The following PID1 variants were observed in gnomAD, a reference collection of about 807,000 sequenced individuals.
The protein encoded by PID1 is phosphotyrosine interaction domain containing 1.
Under a neutral mutation model 19.1 loss-of-function variants are expected in PID1, and 10 were observed. That is an observed-to-expected ratio of 0.52 (90% CI 0.32 to 0.89). The LOEUF (loss-of-function observed/expected upper bound fraction) is 0.89. PID1 is among the 40% of genes least tolerant of loss of function. The pLI is 0.03. For synonymous variants in PID1, 130 were observed against 116.0 expected (o/e 1.12, Z -0.78); for missense variants, 248 against 285.3 (o/e 0.87, Z 0.94).
intron 2 of PID1, among the ~76,000 whole-genome samples, chr2:229,070,920 T>C (rs1443073168): frequency 6.6e-6 from 1 of 152,210 alleles, no homozygotes; most frequent in Non-Finnish European, 1.5e-5. Context: ...AAATTCTTCA[T>C]TACCGGTATC....
intron 1 of PID1, among the ~76,000 whole-genome samples, chr2:229,269,713 G>C (rs914077122): frequency 6.6e-6 from 1 of 152,182 alleles, no homozygotes; most frequent in Non-Finnish European, 1.5e-5. Flanking sequence ...AGAGCCCAGT[G>C]CTGATATTCT....
intron 1 of PID1, among the ~76,000 whole-genome samples, chr2:229,199,491 A>T (rs1172682652): frequency 1.3e-5 from 2 of 151,940 alleles, no homozygotes; most frequent in African/African-American, 4.8e-5. Flanking sequence ...GCCAACTTTT[A>T]ATAAATGTGC....
At position 229,198,470 on chromosome 2, in the gene PID1, A is replaced by G. The variant is rs1379411838; in HGVS notation, c.31-42506T>C. Among the ~76,000 whole-genome samples the G allele has an allele frequency of 7.2e-5, 11 of 152,172 alleles. No homozygotes were observed. The East Asian group carries it at 1.9e-3, about 27-fold the overall frequency. On this transcript the variant is annotated intron_variant, in intron 1 of 2. Coordinates refer to ENST00000392055, the MANE Select transcript of PID1 (RefSeq NM_001100818.2). ...AAACACATATGCCTAGATGAGACCTATCCTCTGTGATCCAGGTTCCTGTAT... is the reference window on the plus strand; with the variant it reads ...AAACACATATGCCTAGATGAGACCTGTCCTCTGTGATCCAGGTTCCTGTAT...
intron 2 of PID1, among the ~76,000 whole-genome samples, chr2:229,146,834 T>C (rs1053086125): frequency 6.6e-6 from 1 of 152,130 alleles, no homozygotes; most frequent in Non-Finnish European, 1.5e-5. Context: ...GTGACCACCA[T>C]GCAGAGATTG....
chr2:229,139,105 A>AAGAGAG (rs1283828201), intron 2 of PID1, among the ~76,000 whole-genome samples: 1 of 68,048 alleles, frequency 1.5e-5, no homozygotes, highest in African/African-American at 7.1e-5. Context: ...GAAAGAAAGA[A>AAGAGAG]AGAAAGAAAG....
intron 1 of PID1, among the ~76,000 whole-genome samples, chr2:229,240,232 C>T (rs1333480066): frequency 1.3e-5 from 2 of 151,910 alleles, no homozygotes; most frequent in African/African-American, 4.8e-5. Flanking sequence ...ATTCCATTCC[C>T]GAAGCTTAGT....
chr2:229,233,255 A>C (rs904162879), intron 1 of PID1, among the ~76,000 whole-genome samples: 1 of 152,118 alleles, frequency 6.6e-6, no homozygotes, highest in Non-Finnish European at 1.5e-5. Flanking sequence ...TCAAAGCTGG[A>C]GAGGTTTTAG....
intron 1 of PID1, among the ~76,000 whole-genome samples, chr2:229,235,001 A>G (rs1039305981): frequency 2.6e-5 from 4 of 152,194 alleles, no homozygotes; most frequent in Non-Finnish European, 5.9e-5. Context: ...GAGTACTGAA[A>G]TAACAGTTGT....
chr2:229,237,616 G>A (rs1159203681), intron 1 of PID1, among the ~76,000 whole-genome samples: 3 of 152,160 alleles, frequency 2.0e-5, no homozygotes, highest in African/African-American at 4.8e-5. Context: ...GGTAGAGAAG[G>A]AGATGAAGGA....
intron 1 of PID1, among the ~76,000 whole-genome samples, chr2:229,173,595 A>G (rs1690753962): frequency 6.6e-6 from 1 of 152,186 alleles, no homozygotes; most frequent in African/African-American, 2.4e-5. Context: ...TCCTGCCTTC[A>G]TGGAGCTGAA....
At chr2:229,077,124 G>A (rs979600790) in intron 2 of PID1, among the ~76,000 whole-genome samples, 5 of 152,168 alleles carry the variant, frequency 3.3e-5, no homozygotes, top group Non-Finnish European at 7.4e-5. Context: ...TGGTTTTGAT[G>A]TGCATGTCTC....
At chr2:229,038,251 C>A (rs909343057) in intron 2 of PID1, among the ~76,000 whole-genome samples, 12 of 152,136 alleles carry the variant, frequency 7.9e-5, no homozygotes, top group African/African-American at 2.9e-4. Flanking sequence ...ATGTTCATAA[C>A]TTTATTTGCA....
intron 2 of PID1, among the ~76,000 whole-genome samples, chr2:229,147,958 G>A (rs1690170259): frequency 6.6e-6 from 1 of 152,138 alleles, no homozygotes. Flanking sequence ...GTCCCTCCAT[G>A]GGACAACAGC....
chr2:229,099,226 C>T (rs971861312), intron 2 of PID1, among the ~76,000 whole-genome samples: 1 of 152,130 alleles, frequency 6.6e-6, no homozygotes, highest in African/African-American at 2.4e-5. Context: ...GTGTTTCAAA[C>T]AGTAGAAAAA....
At chr2:229,178,591 GT>G (rs1690874628) in intron 1 of PID1, among the ~76,000 whole-genome samples, 1 of 151,540 alleles carries the variant, frequency 6.6e-6, no homozygotes, top group East Asian at 1.9e-4. Flanking sequence ...AAATTTTATG[GT>G]CATTTTCTAT....
intron 1 of PID1, among the ~76,000 whole-genome samples, chr2:229,226,918 G>A (rs1692089116): frequency 1.3e-5 from 2 of 152,104 alleles, no homozygotes; most frequent in South Asian, 4.2e-4. Flanking sequence ...AGAAAATGGG[G>A]TGTTTAGAAT....
chr2:229,059,325 A>G (rs2106191395), intron 2 of PID1, among the ~76,000 whole-genome samples: 1 of 152,338 alleles, frequency 6.6e-6, no homozygotes, highest in East Asian at 1.9e-4. Context: ...GAAAAACTAA[A>G]GCATCTTGAC....
At chr2:229,135,338 A>G (rs10153935) in intron 2 of PID1, among the ~76,000 whole-genome samples, 24,828 of 152,218 alleles carry the variant, frequency 0.16, 2,297 homozygotes, top group Non-Finnish European at 0.21. Flanking sequence ...ATGGCATGTA[A>G]AAGTAAAGTG....
intron 2 of PID1, among the ~76,000 whole-genome samples, chr2:229,060,596 T>C (rs2106192553): frequency 6.6e-6 from 1 of 152,274 alleles, no homozygotes; most frequent in East Asian, 1.9e-4. Flanking sequence ...CACAGATCTC[T>C]TTCGCACCTT....
Sources: gnomAD v4.1 joint callset for allele counts (sites outside exome capture counted in the v4.1 genomes callset) on GRCh38, gnomAD v4.1.1 for gene constraint, MANE v1.5 for transcripts, NCBI Gene and HGNC (gene_info 2026-07-23, HGNC 2026-07-21) for gene names.